STK3: variants seen among roughly 807,000 people sequenced by gnomAD.
The protein encoded by STK3 is serine/threonine kinase 3, also known as serine/threonine-protein kinase 3.
A neutral mutation model predicts 58.0 loss-of-function variants in STK3; 41 were observed. That is an observed-to-expected ratio of 0.71 (90% CI 0.55 to 0.92). The LOEUF (loss-of-function observed/expected upper bound fraction) is 0.92. Ranked by LOEUF, STK3 falls within the 40% of genes least tolerant of loss-of-function variation. The pLI is 0.00. For synonymous variants in STK3, 170 were observed against 191.0 expected, an observed-to-expected ratio of 0.89 and a Z score of 0.91; for missense variants, 479 against 602.7, an observed-to-expected ratio of 0.79 and a Z score of 2.15.
intron 8 of STK3, among the ~76,000 whole-genome samples, chr8:98,551,459 A>G (rs1379459653): frequency 1.3e-5 from 2 of 152,152 alleles, no homozygotes; most frequent in African/African-American, 2.4e-5. Context: ...TCTGTTTAAA[A>G]CAACAAAAAA....
chr8:98,793,263 C>A (rs1002920683), intron 1 of STK3, among the ~76,000 whole-genome samples: 2 of 152,056 alleles, frequency 1.3e-5, no homozygotes, highest in Admixed American at 6.6e-5. Context: ...CAAAATCTCA[C>A]AAATCACCAC....
At chr8:98,552,990 T>TACAGG (rs1586844763) in intron 8 of STK3, among the ~76,000 whole-genome samples, 1 of 152,138 alleles carries the variant, frequency 6.6e-6, no homozygotes, top group Admixed American at 6.6e-5. Flanking sequence ...AACAATAAGT[T>TACAGG]ACAGGACAAT....
intron 2 of STK3, among the ~76,000 whole-genome samples, chr8:98,436,185 T>C (rs1818481631): frequency 6.6e-6 from 1 of 152,026 alleles, no homozygotes; most frequent in Non-Finnish European, 1.5e-5. Flanking sequence ...GGCTCTGCTT[T>C]TCCCTCCCAT....
At chr8:98,602,606 G>T (rs1162775071) in intron 6 of STK3, among the ~76,000 whole-genome samples, 2 of 152,142 alleles carry the variant, frequency 1.3e-5, no homozygotes, top group African/African-American at 4.8e-5. Context: ...CTTCTCCATA[G>T]TAAAACCTAA....
chr8:98,659,222 G>C, intron 6 of STK3, among the ~76,000 whole-genome samples: 1 of 151,936 alleles, frequency 6.6e-6, no homozygotes, highest in Admixed American at 6.6e-5. Flanking sequence ...CAAAATTCAA[G>C]GAGTAATATA....
chr8:98,476,197 C>T (rs769083176), intron 10 of STK3, among the ~76,000 whole-genome samples: 8 of 152,150 alleles, frequency 5.3e-5, no homozygotes, highest in Non-Finnish European at 8.8e-5. Flanking sequence ...CCAGATAATT[C>T]ATCAAAATCA....
intron 1 of STK3, among the ~76,000 whole-genome samples, chr8:98,893,494 A>AAGAG (rs1474198764): frequency 7.7e-5 from 9 of 117,020 alleles, no homozygotes; most frequent in African/African-American, 2.6e-4. Context: ...AAGAGAAAGA[A>AAGAG]AGAAAGAAAG....
intron 2 of STK3, among the ~76,000 whole-genome samples, chr8:98,372,494 T>A (rs1446708107): frequency 6.6e-6 from 1 of 151,882 alleles, no homozygotes; most frequent in Admixed American, 6.6e-5. Context: ...GGGTTTTTTG[T>A]TGTTATTTTT....
chr8:98,922,767 G>A (rs1164606257), intron 1 of STK3, among the ~76,000 whole-genome samples: 8 of 152,168 alleles, frequency 5.3e-5, no homozygotes, highest in Admixed American at 1.3e-4. Context: ...ACAAACTATT[G>A]TAATTCTTGG....
chr8:98,520,653 C>A (rs1028856023), intron 10 of STK3, among the ~76,000 whole-genome samples: 1 of 151,948 alleles, frequency 6.6e-6, no homozygotes, highest in Non-Finnish European at 1.5e-5. Flanking sequence ...CAACTTCTAT[C>A]AAATAGACTT....
At chr8:98,615,203 T>G (rs1563806370) in intron 6 of STK3, among the ~76,000 whole-genome samples, 1 of 151,628 alleles carries the variant, frequency 6.6e-6, no homozygotes, top group Middle Eastern at 3.4e-3. Flanking sequence ...AGGGGCACAC[T>G]GACACCTCAC....
downstream of STK3, among the ~76,000 whole-genome samples, chr8:98,370,504 G>T (rs2130988562): frequency 6.6e-6 from 1 of 152,190 alleles, no homozygotes; most frequent in African/African-American, 2.4e-5. Flanking sequence ...AAATATGCTA[G>T]AGAGGACTGG....
chr8:98,527,946 T>C (rs1825872558), intron 9 of STK3, among the ~76,000 whole-genome samples: 2 of 152,202 alleles, frequency 1.3e-5, no homozygotes, highest in Admixed American at 1.3e-4. Flanking sequence ...TCCCCCGACA[T>C]ATTCTATCTC....
At chr8:98,383,343 C>A (rs1817757782) in intron 1 of STK3, among the ~76,000 whole-genome samples, 1 of 152,168 alleles carries the variant, frequency 6.6e-6, no homozygotes, top group Non-Finnish European at 1.5e-5. Flanking sequence ...ATTGAATCCT[C>A]AAGCCAGGCA....
At chr8:98,408,770 C>A (rs1818024754) in intron 3 of STK3, among the ~76,000 whole-genome samples, 1 of 152,216 alleles carries the variant, frequency 6.6e-6, no homozygotes, top group African/African-American at 2.4e-5. Context: ...TCTGCTTAGA[C>A]AATAGGCTGG....
chr8:98,622,677 T>G (rs1393900190), intron 6 of STK3, among the ~76,000 whole-genome samples: 1 of 152,310 alleles, frequency 6.6e-6, no homozygotes, highest in East Asian at 1.9e-4. Flanking sequence ...AATCAACACA[T>G]TTCTATATCT....
intron 1 of STK3, among the ~76,000 whole-genome samples, chr8:98,911,326 C>G (rs960745828): frequency 3.3e-5 from 5 of 152,122 alleles, no homozygotes; most frequent in African/African-American, 1.2e-4. Flanking sequence ...TCAGCAGCCT[C>G]CCTTACAAAA....
Position 98,905,204 on chromosome 8 carries a change from GGCA to G in STK3, c.-78-21373_-78-21371del, listed in dbSNP as rs201736404. The G allele has an allele frequency of 1.4e-4, 142 of 980,704 alleles. 2 individuals are homozygous for G. In the East Asian group the frequency reaches 3.4e-3, roughly 23 times the overall value. The allele number at this position is 980,704 out of a possible 1,614,324, so 60.8% of individuals were successfully genotyped here. A position where few individuals can be genotyped will look rare whatever the true frequency, so the allele number is the denominator to read the frequency against. On this transcript the variant is annotated intron_variant, in intron 1 of 1. Coordinates refer to the STK3 transcript ENST00000519420. ...AGCCACACTGGTCTCCCATTCCAGG[GGCA>G]GTCCGAAGTCGGGCTTGTGGACAAC... is the stretch of plus-strand genomic sequence containing the variant.
chr8:98,834,441 G>A (rs1835674794), intron 3 of STK3, among the ~76,000 whole-genome samples: 1 of 152,202 alleles, frequency 6.6e-6, no homozygotes, highest in Non-Finnish European at 1.5e-5. Context: ...TGGGGAAATT[G>A]TAATTAGACA....
Sources: allele counts gnomAD v4.1 joint callset (sites outside exome capture counted in the v4.1 genomes callset), GRCh38; gene constraint gnomAD v4.1.1; transcripts MANE v1.5; gene names NCBI Gene and HGNC (gene_info 2026-07-23, HGNC 2026-07-21).